The following PLEKHD1 variants were observed in gnomAD, a reference collection of about 807,000 sequenced individuals.
PLEKHD1 encodes pleckstrin homology and coiled-coil domain containing D1, also known as pleckstrin homology domain-containing family D member 1.
PLEKHD1 carries 51 observed loss-of-function variants against 69.2 expected under a neutral mutation model. That is an observed-to-expected ratio of 0.74 (90% CI 0.59 to 0.93). PLEKHD1 has a LOEUF of 0.93. PLEKHD1 is among the 40% of genes least tolerant of loss of function. PLEKHD1 has a pLI of 0.00. For missense variants in PLEKHD1, 584 were observed against 641.0 expected (o/e 0.91, Z 0.96); for synonymous variants, 236 against 244.7 (o/e 0.96, Z 0.33).
At chr14:69,501,889 G>A in intron 5 of PLEKHD1, 64 bp downstream of exon 5, 2 of 1,390,016 alleles carry the variant, frequency 1.4e-6, no homozygotes, top group Non-Finnish European at 2.0e-6. Context: ...ATAGCCAGGG[G>A]CTTGGTAAAG....
chr14:69,510,876 T>C (rs1343349629), intron 6 of PLEKHD1, among the ~76,000 whole-genome samples: 1 of 152,204 alleles, frequency 6.6e-6, no homozygotes, highest in East Asian at 1.9e-4. Flanking sequence ...CCATTTAGTA[T>C]GATGTTAGCT....
Position 69,506,891 on chromosome 14 carries a change from C to CTTTTTTTTTTTTTT in PLEKHD1, c.555+4027_555+4040dup, listed in dbSNP as rs1162412450. On this transcript the variant is annotated intron_variant, in intron 6 of 12. Coordinates refer to ENST00000322564, the MANE Select transcript of PLEKHD1 (RefSeq NM_001161498.2). ...ACTGTCCTAAAAATCCTGGCAACTG[C>CTTTTTTTTTTTTTT]TTTTTTTTTTTTTTTTTTTTTTTTT... is the stretch of plus-strand genomic sequence containing the variant. 9.5e-4 allele frequency among the ~76,000 whole-genome samples: 74 copies of CTTTTTTTTTTTTTT among 78,064 alleles called. 6 individuals are homozygous for CTTTTTTTTTTTTTT. The highest frequency in any genetic ancestry group is 1.9e-3 in the African/African-American group (33 of 17,434). The allele number at this position is 78,064 out of a possible 152,430, so 51.2% of individuals were successfully genotyped here.
chr14:69,526,577 G>A, intron 9 of PLEKHD1, 120 bp from the exon 10 acceptor site: 1 of 1,252,144 alleles, frequency 8.0e-7, no homozygotes, highest in Non-Finnish European at 1.1e-6. Flanking sequence ...AAAGTTCAGG[G>A]GCTCATAAAG....
chr14:69,492,144 C>T (rs2139496057), intron 1 of PLEKHD1, among the ~76,000 whole-genome samples: 1 of 152,314 alleles, frequency 6.6e-6, no homozygotes, highest in East Asian at 1.9e-4. Context: ...CCGCACCTCC[C>T]CTGCACCACT....
At chr14:69,497,800 T>C (rs1354122724) in intron 1 of PLEKHD1, among the ~76,000 whole-genome samples, 1 of 152,142 alleles carries the variant, frequency 6.6e-6, no homozygotes, top group Non-Finnish European at 1.5e-5. Flanking sequence ...CAGAAAGGCC[T>C]AGGACGAGCA....
intron 1 of PLEKHD1, among the ~76,000 whole-genome samples, chr14:69,497,383 G>A (rs750762668): frequency 1.3e-5 from 2 of 152,270 alleles, no homozygotes; most frequent in Non-Finnish European, 2.9e-5. Flanking sequence ...TGGGACTGAA[G>A]TGGGATGGAC....
Position 69,524,274 on chromosome 14 carries a change from G to A in PLEKHD1, c.696G>A (p.Glu232=). Reference sequence around the variant, plus strand: ...GATGCCTTAAGGGTGTAGAACAAGAGAAAAAGGAACTGAGGCACCTCACGG... The same window carrying A: ...GATGCCTTAAGGGTGTAGAACAAGAAAAAAAGGAACTGAGGCACCTCACGG... ...TARCLKGVEQ[E]KKELRHLTES... The change falls in exon 8 of 13, where the codon GAG becomes GAA. Residue 232 remains glutamate (E), a synonymous_variant. Transcript: ENST00000322564. 4.5e-6 allele frequency: 7 copies of A among 1,551,628 alleles called. No individual in the cohort carries two copies. Among genetic ancestry groups the A allele is most frequent in the Non-Finnish European group, 6.1e-6 (7 of 1,146,952 alleles).
At position 69,503,081 on chromosome 14, in the gene PLEKHD1, AC is replaced by A. The variant is rs1594980740; in HGVS notation, c.555+206del. 10 of 581,574 alleles carry A rather than the reference AC, an allele frequency of 1.7e-5. No individual in the cohort carries two copies. The East Asian group carries it at 2.7e-4, about 16-fold the overall frequency. The allele number at this position is 581,574 out of a possible 1,614,324, so 36.0% of individuals were successfully genotyped here. On this transcript the variant is annotated intron_variant, in intron 6 of 12. Coordinates refer to ENST00000322564, the MANE Select transcript of PLEKHD1 (RefSeq NM_001161498.2). ...GTAAGAAGTGTCTTTCTCCTTACCA[AC>A]CCCTGGGAGTAAAGTGAAAAGGGTG... is the stretch of plus-strand genomic sequence containing the variant.
chr14:69,500,270 A>G (rs1281117815), intron 2 of PLEKHD1, 62 bp downstream of exon 2: 20 of 1,327,156 alleles, frequency 1.5e-5, no homozygotes, highest in Non-Finnish European at 2.1e-5. Flanking sequence ...CAGAGCTTGC[A>G]TCTTGTGAGG....
chr14:69,481,296 C>G (rs947270145), upstream of PLEKHD1, among the ~76,000 whole-genome samples: 3 of 152,164 alleles, frequency 2.0e-5, no homozygotes, highest in African/African-American at 7.2e-5. Context: ...GTACTCCAGC[C>G]TGGGTCAGAG....
At chr14:69,525,125 C>T (rs1883613648) in intron 8 of PLEKHD1, among the ~76,000 whole-genome samples, 1 of 152,126 alleles carries the variant, frequency 6.6e-6, no homozygotes, top group South Asian at 2.1e-4. Flanking sequence ...GCTCCCGTGG[C>T]ATTTTGTACA....
chr14:69,526,186 G>A (rs1022425050), intron 9 of PLEKHD1, 64 bp downstream of exon 9: 1 of 1,461,010 alleles, frequency 6.8e-7, no homozygotes, highest in South Asian at 1.4e-5. Flanking sequence ...TCCTCGAACT[G>A]GACATCCAGA....
chr14:69,498,557 C>T (rs951440852), intron 1 of PLEKHD1, among the ~76,000 whole-genome samples: 49 of 146,164 alleles, frequency 3.4e-4, no homozygotes, highest in African/African-American at 1.2e-3. Context: ...TCACTGACTT[C>T]GTCATGCTCA....
rs2139540037 is a variant in PLEKHD1 at position 69,531,170 on chromosome 14, C to T, written c.*2751C>T. ...CTCTTAATATTGTTACAATGGCAATCAAATTTCTTTTTTTAATCCTGCAAA... is the reference window on the plus strand; with the variant it reads ...CTCTTAATATTGTTACAATGGCAATTAAATTTCTTTTTTTAATCCTGCAAA... On this transcript the variant is annotated 3_prime_UTR_variant, in exon 13 of 13. Coordinates refer to ENST00000322564, the MANE Select transcript of PLEKHD1 (RefSeq NM_001161498.2). The T allele has an allele frequency of 6.6e-6, 1 of 151,694 alleles. No homozygotes were observed. The highest frequency in any genetic ancestry group is 1.5e-5 in the Non-Finnish European group (1 of 67,916). The allele number at this position is 151,694 out of a possible 1,614,324, so 9.4% of individuals were successfully genotyped here.
intron 4 of PLEKHD1, chr14:69,501,238 C>T: frequency 4.0e-6 from 2 of 495,954 alleles, no homozygotes; most frequent in Non-Finnish European, 7.3e-6. Flanking sequence ...CCTCCCCAGG[C>T]CCATAATTAA....
intron 6 of PLEKHD1, among the ~76,000 whole-genome samples, chr14:69,513,999 G>T (rs1418357827): frequency 6.6e-6 from 1 of 151,582 alleles, no homozygotes; most frequent in East Asian, 1.9e-4. Flanking sequence ...TCTTCTTCTG[G>T]CTTCTTAAGA....
intron 6 of PLEKHD1, among the ~76,000 whole-genome samples, chr14:69,515,932 G>A (rs1410711501): frequency 6.6e-6 from 1 of 152,154 alleles, no homozygotes; most frequent in African/African-American, 2.4e-5. Context: ...TTCAATTTTG[G>A]GAATAGAACT....
At chr14:69,510,087 T>C (rs1227231098) in intron 6 of PLEKHD1, among the ~76,000 whole-genome samples, 1 of 152,252 alleles carries the variant, frequency 6.6e-6, no homozygotes. Context: ...AATACCACAA[T>C]GTCTTGATTG....
At chr14:69,517,662 T>G (rs1313949884) in intron 6 of PLEKHD1, among the ~76,000 whole-genome samples, 3 of 152,158 alleles carry the variant, frequency 2.0e-5, no homozygotes, top group Admixed American at 2.0e-4. Flanking sequence ...CCCAGAGTCA[T>G]GTTCACTGTC....
Sources: allele counts gnomAD v4.1 joint callset (sites outside exome capture counted in the v4.1 genomes callset), GRCh38; gene constraint gnomAD v4.1.1; transcripts MANE v1.5; gene names NCBI Gene and HGNC (gene_info 2026-07-23, HGNC 2026-07-21).